The following MCCC2 variants were observed in gnomAD, a reference collection of about 807,000 sequenced individuals.
MCCC2 encodes methylcrotonyl-CoA carboxylase subunit 2, also known as methylcrotonoyl-CoA carboxylase beta chain, mitochondrial.
Under a neutral mutation model 77.2 loss-of-function variants are expected in MCCC2, and 52 were observed. The observed-to-expected ratio is 0.67, with a 90% confidence interval of 0.54 to 0.85. The LOEUF is 0.85. Ranked by LOEUF, MCCC2 falls within the 40% of genes least tolerant of loss-of-function variation. MCCC2 has a pLI of 0.00. For missense variants in MCCC2, 682 were observed against 703.2 expected (o/e 0.97, Z 0.34); for synonymous variants, 253 against 248.4 (o/e 1.02, Z -0.18).
intron 3 of MCCC2, among the ~76,000 whole-genome samples, 191 bp from the exon 4 acceptor site, chr5:71,599,468 C>T (rs569910526): frequency 6.6e-6 from 1 of 152,220 alleles, no homozygotes; most frequent in Admixed American, 6.5e-5. Flanking sequence ...GTCTCAGCCT[C>T]CTGAATAACT....
At chr5:71,613,233 T>G (rs966138515) in intron 6 of MCCC2, among the ~76,000 whole-genome samples, 3 of 152,256 alleles carry the variant, frequency 2.0e-5, no homozygotes, top group Non-Finnish European at 4.4e-5. Context: ...TATATCTTTT[T>G]ATCTTTTGTT....
intron 2 of MCCC2, among the ~76,000 whole-genome samples, chr5:71,594,053 C>A (rs1745082905): frequency 1.3e-5 from 2 of 152,218 alleles, no homozygotes; most frequent in Non-Finnish European, 2.9e-5. Flanking sequence ...GTACCTGTGC[C>A]CCTGTACGCA....
At chr5:71,631,559 G>C (rs1301236598) in intron 7 of MCCC2, among the ~76,000 whole-genome samples, 1 of 54,568 alleles carries the variant, frequency 1.8e-5, no homozygotes, top group Non-Finnish European at 3.6e-5. Flanking sequence ...TTTTTTTTTT[G>C]AGACGGAGTC....
chr5:71,639,053 A>G (rs1051554993), intron 10 of MCCC2, among the ~76,000 whole-genome samples: 4 of 152,214 alleles, frequency 2.6e-5, no homozygotes, highest in Non-Finnish European at 4.4e-5. Context: ...TCATTAAACC[A>G]TGCCACAAAT....
Position 71,621,147 on chromosome 5 carries a change from C to G in MCCC2, c.625-5493C>G, listed in dbSNP as rs118029170. Among the ~76,000 whole-genome samples the G allele has an allele frequency of 1.2e-3, 188 of 152,188 alleles. 5 individuals carry two copies. In the East Asian group the frequency reaches 0.036, roughly 29 times the overall value. ...CACCAGTGAATGCTTTGGGACATGG[C>G]AAGTTGTTAATGCTGTTTGGCCCTG... On this transcript the variant is annotated intron_variant, in intron 6 of 16. Transcript: ENST00000340941.
chr5:71,643,719 T>C, intron 11 of MCCC2, 100 bp from the exon 12 acceptor site: 5 of 1,609,364 alleles, frequency 3.1e-6, no homozygotes, highest in Non-Finnish European at 4.2e-6. Context: ...ATTTTAAACT[T>C]GGATCTGATA....
At chr5:71,615,642 G>A (rs535275570) in intron 6 of MCCC2, among the ~76,000 whole-genome samples, 1 of 152,152 alleles carries the variant, frequency 6.6e-6, no homozygotes, top group South Asian at 2.1e-4. Context: ...CCAGTTCCAG[G>A]AACAGAGCTC....
intron 3 of MCCC2, among the ~76,000 whole-genome samples, chr5:71,596,673 G>A (rs1033138108): frequency 1.3e-5 from 2 of 152,146 alleles, no homozygotes; most frequent in Non-Finnish European, 2.9e-5. Context: ...TGGGTGTGGT[G>A]GCTCACTCCT....
At chr5:71,628,080 G>A (rs1346538310) in intron 7 of MCCC2, among the ~76,000 whole-genome samples, 1 of 152,178 alleles carries the variant, frequency 6.6e-6, no homozygotes, top group African/African-American at 2.4e-5. Context: ...CTGACCTCAG[G>A]TGGTATGCCT....
At chr5:71,609,963 C>G (rs1357539313) in intron 6 of MCCC2, among the ~76,000 whole-genome samples, 2 of 152,140 alleles carry the variant, frequency 1.3e-5, no homozygotes, top group South Asian at 2.1e-4. Context: ...AACCACTGCT[C>G]TCTTCAAAGC....
At position 71,587,669 on chromosome 5, in the gene MCCC2, AC is replaced by A. The variant is rs543856037; in HGVS notation, c.129+116del. 12 of 1,370,504 alleles carry A rather than the reference AC, an allele frequency of 8.8e-6. No homozygotes were observed. The South Asian group carries it at 1.4e-4, about 16-fold the overall frequency. The allele number at this position is 1,370,504 out of a possible 1,614,324, so 84.9% of individuals were successfully genotyped here. A position where few individuals can be genotyped will look rare whatever the true frequency, so the allele number is the denominator to read the frequency against. On this transcript the variant is annotated intron_variant, in intron 1 of 16. Transcript: ENST00000340941. ...GTCCGGAGCCCCAGTTGATTCTGTG[AC>A]GCACGTGAAGTTTGAAGAAGAAAAG...
chr5:71,609,301 G>A (rs277926), intron 6 of MCCC2, among the ~76,000 whole-genome samples: 47,162 of 149,868 alleles, frequency 0.31, 8,157 homozygotes, highest in East Asian at 0.51. Context: ...TTCCCTTCTC[G>A]CTTCATTTCA....
chr5:71,615,727 A>G (rs1355341370), intron 6 of MCCC2, among the ~76,000 whole-genome samples: 1 of 152,144 alleles, frequency 6.6e-6, no homozygotes, highest in Non-Finnish European at 1.5e-5. Context: ...TGTCTGCCCC[A>G]GTTCCTCCGA....
chr5:71,656,874 T>C lies in MCCC2; in HGVS notation c.*14T>C. On this transcript the variant is annotated 3_prime_UTR_variant, in exon 17 of 17. Transcript: ENST00000340941. ...TTCAGGATGTAACTGGAATAAAGGA[T>C]GTTTTCTGTTGGACATGTACTGAAA... 1 of 1,588,450 alleles carries C rather than the reference T, an allele frequency of 6.3e-7. No homozygotes were observed. The highest frequency in any genetic ancestry group is 1.1e-5 in the South Asian group (1 of 90,536).
intron 3 of MCCC2, among the ~76,000 whole-genome samples, chr5:71,598,877 A>C (rs1745308561): frequency 6.6e-6 from 1 of 151,846 alleles, no homozygotes; most frequent in African/African-American, 2.4e-5. Flanking sequence ...TCAGCCTCCC[A>C]AGTAGCTGGG....
At chr5:71,593,340 T>G (rs1580269691) in intron 2 of MCCC2, among the ~76,000 whole-genome samples, 2 of 152,190 alleles carry the variant, frequency 1.3e-5, no homozygotes, top group Non-Finnish European at 2.9e-5. Context: ...TCCATCTGCC[T>G]TGGCCTCCCA....
intron 8 of MCCC2, among the ~76,000 whole-genome samples, chr5:71,633,093 A>ATT (rs1561841214): frequency 1.5e-4 from 1 of 6,468 alleles, no homozygotes; most frequent in African/African-American, 2.4e-4. Flanking sequence ...TTTCAGTTTT[A>ATT]TATATATATA....
chr5:71,616,970 C>G (rs1409765188), intron 6 of MCCC2, among the ~76,000 whole-genome samples: 2 of 152,186 alleles, frequency 1.3e-5, no homozygotes, highest in Non-Finnish European at 2.9e-5. Flanking sequence ...TCTGCCTAGT[C>G]TATCCTTTCC....
Position 71,633,981 on chromosome 5 carries a change from C to T in MCCC2, c.804-962C>T, listed in dbSNP as rs1746831652. 2.6e-5 allele frequency among the ~76,000 whole-genome samples: 4 copies of T among 152,160 alleles called. No individual in the cohort carries two copies. The South Asian group carries it at 8.3e-4, about 32-fold the overall frequency. On this transcript the variant is annotated intron_variant, in intron 8 of 16. Transcript: ENST00000340941. ...AGTAAACGTGGTCTCTGCTTTTACT[C>T]AGGAACTCCCAGTCCTAAAGTAGAG...
Sources: gnomAD v4.1 joint callset for allele counts (sites outside exome capture counted in the v4.1 genomes callset) on GRCh38, gnomAD v4.1.1 for gene constraint, MANE v1.5 for transcripts, NCBI Gene and HGNC (gene_info 2026-07-23, HGNC 2026-07-21) for gene names.